SNX18: variants seen among roughly 807,000 people sequenced by gnomAD.
The protein encoded by SNX18 is sorting nexin 18.
In SNX18, 35 loss-of-function variants were observed where a neutral mutation model predicts 48.7. The observed-to-expected ratio is 0.72, with a 90% CI of 0.55 to 0.95. The LOEUF is 0.95. Ranked by LOEUF, SNX18 falls within the 40% of genes least tolerant of loss-of-function variation. SNX18 has a pLI of 0.00. For missense variants in SNX18, 824 were observed against 871.0 expected (o/e 0.95, Z 0.68); for synonymous variants, 492 against 384.7 (o/e 1.28, Z -3.26).
intron 1 of SNX18, among the ~76,000 whole-genome samples, chr5:54,536,957 G>C (rs554150674): frequency 2.0e-5 from 3 of 152,256 alleles, no homozygotes; most frequent in African/African-American, 7.2e-5. Context: ...TTGTGGTTTT[G>C]ATTTGCATTT....
chr5:54,631,436 T>C, the SNX18 span, among the ~76,000 whole-genome samples: 3 of 152,100 alleles, frequency 2.0e-5, no homozygotes, highest in Non-Finnish European at 4.4e-5. Flanking sequence ...AATAAAACAA[T>C]TTGGTAATGC....
At chr5:54,578,566 G>A in the SNX18 span, among the ~76,000 whole-genome samples, 1 of 152,204 alleles carries the variant, frequency 6.6e-6, no homozygotes, top group Non-Finnish European at 1.5e-5. Flanking sequence ...AGCAGAAGCT[G>A]CCTTTGTGGG....
At chr5:54,527,927 A>G (rs906314638) in intron 1 of SNX18, among the ~76,000 whole-genome samples, 1 of 152,186 alleles carries the variant, frequency 6.6e-6, no homozygotes, top group Non-Finnish European at 1.5e-5. Context: ...TAAAGATAGA[A>G]TCTAGATGTA....
the SNX18 span, among the ~76,000 whole-genome samples, chr5:54,630,871 G>A: frequency 6.7e-6 from 1 of 149,510 alleles, no homozygotes; most frequent in African/African-American, 2.5e-5. Context: ...GGAAAGACAT[G>A]CCAGCCAACA....
the SNX18 span, among the ~76,000 whole-genome samples, chr5:54,577,986 CACAAAAA>C: frequency 6.6e-5 from 10 of 152,178 alleles, no homozygotes; most frequent in African/African-American, 2.4e-4. Flanking sequence ...CTCATTATTA[CACAAAAA>C]TGCCCAGTTT....
chr5:54,588,272 A>G, the SNX18 span, among the ~76,000 whole-genome samples: 1 of 150,402 alleles, frequency 6.6e-6, no homozygotes, highest in East Asian at 2.0e-4. Flanking sequence ...AATAATTCAA[A>G]TACATTGAAA....
chr5:54,623,664 A>G, the SNX18 span, among the ~76,000 whole-genome samples: 58 of 152,188 alleles, frequency 3.8e-4, no homozygotes, highest in Non-Finnish European at 7.5e-4. Context: ...CCAGGAGCTT[A>G]TGTAACTACT....
rs61739378 is a variant in SNX18 at position 54,519,410 on chromosome 5, G to C, written c.1458G>C (p.Ser486=). 437,846 of 1,613,252 alleles carry C rather than the reference G, an allele frequency of 0.27. 61,687 individuals carry two copies. Among genetic ancestry groups the C allele is most frequent in the East Asian group, 0.48 (21,424 of 44,828 alleles). Reference sequence around the variant, plus strand: ...TTGAGCTGGACCAGCAGGCCTTCTCGGTGGGCCTGAACCAGGCTATCGCCT... The same window carrying C: ...TTGAGCTGGACCAGCAGGCCTTCTCCGTGGGCCTGAACCAGGCTATCGCCT... ...QAFELDQQAF[S]VGLNQAIAFT... Residue 486 remains serine, a synonymous_variant, in exon 1 of 2, where the codon TCG becomes TCC. Coordinates refer to ENST00000381410, the MANE Select transcript of SNX18 (RefSeq NM_001102575.2).
chr5:54,647,949 C>T, the SNX18 span, among the ~76,000 whole-genome samples: 2 of 151,284 alleles, frequency 1.3e-5, no homozygotes, highest in African/African-American at 2.4e-5. Context: ...TTTAGGAACC[C>T]GAAGGAATGC....
chr5:54,518,543 G>C lies in SNX18; in HGVS notation c.591G>C (p.Thr197=), dbSNP rs1761929745. Residue 197 remains threonine (T), a synonymous_variant, in exon 1 of 2, where the codon ACG becomes ACC. Transcript: ENST00000381410. The part of the protein sequence containing the change: ...VGAAGRYRLS[T]RSDLSLGSRG... ...CAGCCGGCCGCTACCGCCTGTCCAC[G>C]CGCTCCGACCTGTCCCTGGGTTCCC... 6.3e-7 allele frequency: 1 copy of C among 1,583,852 alleles called. No individual in the cohort carries two copies. The highest frequency in any genetic ancestry group is 8.6e-7 in the Non-Finnish European group (1 of 1,166,224).
chr5:54,546,912 ACTGT>A (rs1762584551), downstream of SNX18, among the ~76,000 whole-genome samples: 1 of 152,230 alleles, frequency 6.6e-6, no homozygotes, highest in Admixed American at 6.5e-5. Flanking sequence ...TACTTGACAT[ACTGT>A]CTGTTGGTTG....
the SNX18 span, among the ~76,000 whole-genome samples, chr5:54,554,249 T>G: frequency 6.6e-6 from 1 of 152,226 alleles, no homozygotes; most frequent in Non-Finnish European, 1.5e-5. Context: ...ATGGTATTTT[T>G]GGACCCTGGC....
the SNX18 span, among the ~76,000 whole-genome samples, chr5:54,590,057 C>G: frequency 7.8e-4 from 119 of 152,230 alleles, 8 homozygotes; most frequent in Non-Finnish European, 1.5e-5. Context: ...TCCCACAGTG[C>G]TGGTATTATA....
chr5:54,643,475 C>A, the SNX18 span: 1 of 152,076 alleles, frequency 6.6e-6, no homozygotes, highest in Non-Finnish European at 1.5e-5. Flanking sequence ...ATGGTTGAAC[C>A]CATCTAAATA....
At chr5:54,550,608 G>A (rs757053930), downstream of SNX18, among the ~76,000 whole-genome samples, 1 of 152,172 alleles carries the variant, frequency 6.6e-6, no homozygotes, top group Non-Finnish European at 1.5e-5. Flanking sequence ...TTTTTAGATG[G>A]AGTCTTGGTC....
chr5:54,577,260 C>T, the SNX18 span, among the ~76,000 whole-genome samples: 3 of 152,124 alleles, frequency 2.0e-5, no homozygotes, highest in African/African-American at 7.2e-5. Flanking sequence ...TGAGAAAACC[C>T]ATGTCACAGG....
At chr5:54,636,284 C>G in the SNX18 span, among the ~76,000 whole-genome samples, 1 of 152,144 alleles carries the variant, frequency 6.6e-6, no homozygotes, top group Non-Finnish European at 1.5e-5. Context: ...ACTGATATCA[C>G]TTTTTCATTT....
At chr5:54,599,695 A>G in the SNX18 span, among the ~76,000 whole-genome samples, 34 of 152,190 alleles carry the variant, frequency 2.2e-4, no homozygotes, top group South Asian at 4.1e-4. Context: ...ATCTGCAACC[A>G]TCTGATCTTC....
the SNX18 span, among the ~76,000 whole-genome samples, chr5:54,607,769 CA>C: frequency 2.6e-5 from 4 of 151,852 alleles, no homozygotes; most frequent in Non-Finnish European, 5.9e-5. Context: ...CCCATCTCCA[CA>C]AAAAAATACA....
Sources: allele counts gnomAD v4.1 joint callset (sites outside exome capture counted in the v4.1 genomes callset), GRCh38; gene constraint gnomAD v4.1.1; transcripts MANE v1.5; gene names NCBI Gene and HGNC (gene_info 2026-07-23, HGNC 2026-07-21).